Variants in RALGAPA1 observed in about 807,000 individuals in gnomAD.
RALGAPA1 encodes ral GTPase-activating protein subunit alpha-1.
A neutral mutation model predicts 269.6 loss-of-function variants in RALGAPA1; 52 were observed. The observed-to-expected ratio is 0.19, with a 90% confidence interval of 0.15 to 0.24. The LOEUF (loss-of-function observed/expected upper bound fraction) is 0.24. RALGAPA1 is among the 10% of genes least tolerant of loss of function. RALGAPA1 has a pLI of 1.00. For missense variants in RALGAPA1, 1,917 were observed against 3,013.9 expected, an observed-to-expected ratio of 0.64 and a Z score of 8.52; for synonymous variants, 817 against 1,008.3, an observed-to-expected ratio of 0.81 and a Z score of 3.60.
chr14:35,795,791 A>C (rs371139646), intron 1 of RALGAPA1, among the ~76,000 whole-genome samples: 2 of 149,772 alleles, frequency 1.3e-5, no homozygotes, highest in Non-Finnish European at 1.5e-5. Flanking sequence ...CCTGGGCAAC[A>C]TAGCAAAACC....
intron 21 of RALGAPA1, among the ~76,000 whole-genome samples, chr14:35,678,745 T>C (rs1176203809): frequency 2.0e-5 from 3 of 152,208 alleles, no homozygotes; most frequent in Admixed American, 6.5e-5. Flanking sequence ...TGTCTAGTCA[T>C]AGAAAGTAAA....
chr14:35,792,535 C>T (rs1385607642), intron 1 of RALGAPA1, among the ~76,000 whole-genome samples: 2 of 151,902 alleles, frequency 1.3e-5, no homozygotes, highest in African/African-American at 4.8e-5. Flanking sequence ...GTAATCCTAG[C>T]ACTTTGGGAG....
intron 39 of RALGAPA1, among the ~76,000 whole-genome samples, chr14:35,562,553 A>G (rs1283714629): frequency 6.6e-6 from 1 of 152,154 alleles, no homozygotes; most frequent in Non-Finnish European, 1.5e-5. Context: ...TAGTCAAAAT[A>G]AAAAACCCTT....
chr14:35,600,224 C>T (rs140953726), intron 36 of RALGAPA1, among the ~76,000 whole-genome samples: 161 of 91,892 alleles, frequency 1.8e-3, no homozygotes, highest in African/African-American at 4.1e-3. Flanking sequence ...TTTTCTTTTT[C>T]TTTTTTTCTT....
chr14:35,621,558 T>C (rs1274194505), intron 35 of RALGAPA1, among the ~76,000 whole-genome samples: 1 of 152,042 alleles, frequency 6.6e-6, no homozygotes, highest in East Asian at 1.9e-4. Flanking sequence ...AAAGAAACTG[T>C]CATCAGAGTG....
intron 1 of RALGAPA1, among the ~76,000 whole-genome samples, chr14:35,795,608 A>T (rs2076502435): frequency 6.6e-6 from 1 of 152,106 alleles, no homozygotes; most frequent in Non-Finnish European, 1.5e-5. Context: ...CCACCCAACA[A>T]ATCATAAAAG....
chr14:35,709,305 G>A (rs1368197466), intron 16 of RALGAPA1, among the ~76,000 whole-genome samples: 4 of 151,962 alleles, frequency 2.6e-5, no homozygotes, highest in Non-Finnish European at 5.9e-5. Flanking sequence ...AATACGCATT[G>A]TACTCCTGTA....
chr14:35,721,797 T>C lies in RALGAPA1; in HGVS notation c.2157A>G (p.Gly719=). ...CTTGGCCAGGCTGATCACGACTCCA[T>C]CCTCTAGAAAATGACTTGTCAACTG... ...KVSVDKSFSR[G]WSRDQPGQAP... is the part of the protein sequence containing the mutation. The change falls in exon 16 of 42, where the codon GGA becomes GGG. Residue 719 remains glycine, a synonymous_variant. Transcript: ENST00000680220. 1.2e-6 allele frequency: 2 copies of C among 1,613,116 alleles called. No homozygotes were observed. Among genetic ancestry groups the C allele is most frequent in the African/African-American group, 1.3e-5 (1 of 74,996 alleles).
intron 16 of RALGAPA1, among the ~76,000 whole-genome samples, chr14:35,714,687 A>G (rs1015033858): frequency 1.3e-5 from 2 of 152,140 alleles, no homozygotes; most frequent in Non-Finnish European, 2.9e-5. Flanking sequence ...ATTTACCTAC[A>G]CATTTACGAC....
intron 1 of RALGAPA1, among the ~76,000 whole-genome samples, chr14:35,796,797 T>C (rs1006936994): frequency 1.3e-5 from 2 of 152,070 alleles, no homozygotes; most frequent in Non-Finnish European, 2.9e-5. Flanking sequence ...CCTTTTTTTT[T>C]TGAGATGGAG....
chr14:35,769,080 T>A (rs547406387), intron 4 of RALGAPA1, among the ~76,000 whole-genome samples: 1 of 87,056 alleles, frequency 1.1e-5, no homozygotes, highest in Admixed American at 1.3e-4. Flanking sequence ...ACACATAAAA[T>A]ATCAAAGACT....
chr14:35,542,563 C>T (rs1242126932), intron 41 of RALGAPA1: 1 of 152,190 alleles, frequency 6.6e-6, no homozygotes, highest in African/African-American at 2.4e-5. Flanking sequence ...ATTCAACATT[C>T]CCAAACTCTA....
chr14:35,803,235 G>A (rs2141945724), intron 1 of RALGAPA1, among the ~76,000 whole-genome samples: 1 of 152,168 alleles, frequency 6.6e-6, no homozygotes, highest in East Asian at 1.9e-4. Context: ...AAAGTACAAA[G>A]GCAATTCAGT....
intron 37 of RALGAPA1, among the ~76,000 whole-genome samples, chr14:35,574,494 A>G (rs2057416286): frequency 6.6e-6 from 1 of 152,238 alleles, no homozygotes; most frequent in Non-Finnish European, 1.5e-5. Context: ...ACATGTTCAA[A>G]CATTTTAAGC....
intron 15 of RALGAPA1, 35 bp downstream of exon 15, chr14:35,722,992 A>T: frequency 7.3e-7 from 1 of 1,377,676 alleles, no homozygotes; most frequent in Non-Finnish European, 1.0e-6. Flanking sequence ...TATTTAAACA[A>T]ATTTATATAG....
intron 33 of RALGAPA1, among the ~76,000 whole-genome samples, chr14:35,631,873 T>A (rs530371921): frequency 1.3e-5 from 2 of 152,130 alleles, no homozygotes; most frequent in African/African-American, 2.4e-5. Flanking sequence ...AACCTACTTA[T>A]AAATAAACTC....
chr14:35,756,754 G>T, intron 7 of RALGAPA1, 39 bp downstream of exon 7: 1 of 1,342,068 alleles, frequency 7.5e-7, no homozygotes, highest in Non-Finnish European at 1.1e-6. Context: ...ACCCACATAG[G>T]ATAGTAAGGA....
At chr14:35,769,806 G>A (rs2074480772) in intron 4 of RALGAPA1, among the ~76,000 whole-genome samples, 1 of 152,092 alleles carries the variant, frequency 6.6e-6, no homozygotes, top group Non-Finnish European at 1.5e-5. Context: ...AGAAATTGAA[G>A]TAATAATTAC....
At chr14:35,739,167 C>T (rs962496926) in intron 11 of RALGAPA1, among the ~76,000 whole-genome samples, 2 of 152,202 alleles carry the variant, frequency 1.3e-5, no homozygotes, top group African/African-American at 2.4e-5. Context: ...ACAAGTCTTA[C>T]AGACAAGGGA....
Sources: gnomAD v4.1 joint callset for allele counts (sites outside exome capture counted in the v4.1 genomes callset) on GRCh38, gnomAD v4.1.1 for gene constraint, MANE v1.5 for transcripts, NCBI Gene and HGNC (gene_info 2026-07-23, HGNC 2026-07-21) for gene names.